GAB3: variants seen among roughly 807,000 people sequenced by gnomAD.
GAB3 encodes GRB2-associated-binding protein 3.
A neutral mutation model predicts 40.4 loss-of-function variants in GAB3; 12 were observed. That is an observed-to-expected ratio of 0.30 (90% confidence interval 0.19 to 0.48). The LOEUF is 0.48. GAB3 is among the 20% of genes least tolerant of loss of function. The pLI is 0.99. For synonymous variants in GAB3, 154 were observed against 176.7 expected, an observed-to-expected ratio of 0.87 and a Z score of 1.02; for missense variants, 381 against 461.9, an observed-to-expected ratio of 0.82 and a Z score of 1.61.
intron 4 of GAB3, among the ~76,000 whole-genome samples, chrX:154,700,269 C>T (rs782023356): frequency 8.1e-5 from 9 of 111,635 alleles, no homozygotes; most frequent in African/African-American, 2.6e-4. Context: ...TAGGAGGAGA[C>T]ATAGCAAGTA....
intron 8 of GAB3, among the ~76,000 whole-genome samples, chrX:154,684,024 T>C (rs2070413082): frequency 8.9e-6 from 1 of 112,027 alleles, no homozygotes; most frequent in South Asian, 3.7e-4. Flanking sequence ...CATCAGTCGA[T>C]GATCATTTGA....
Position 154,679,138 on chromosome X carries a change from C to T in GAB3, c.1648-844G>A, listed in dbSNP as rs139850172. 2.9e-3 allele frequency: 969 copies of T among 336,545 alleles called. 5 individuals carry two copies. The highest frequency in any genetic ancestry group is 0.023 in the African/African-American group (865 of 37,472). 27.7% of individuals were successfully genotyped at this position (336,545 alleles called of 1,213,427 possible). The stretch of plus-strand genomic sequence containing the variant: ...TGCCACTGCACTCCAGCCTGAGTGA[C>T]AGAGTGAGATCTTGACTCAAGAAAA... On this transcript the variant is annotated intron_variant, in intron 9 of 9. Coordinates refer to ENST00000424127, the MANE Select transcript of GAB3 (RefSeq NM_001081573.3).
rs185182159 is a variant in GAB3, at chrX:154,709,194, T to C, written c.1069+3035A>G. On this transcript the variant is annotated intron_variant, in intron 4 of 9. Transcript: ENST00000424127. ...GTAAGACATGCTTCCTTCCTCTTTGTCTTCTTCCATGATTGTAAGTTTCCT... is the reference window on the plus strand; with the variant it reads ...GTAAGACATGCTTCCTTCCTCTTTGCCTTCTTCCATGATTGTAAGTTTCCT... Among the ~76,000 whole-genome samples the C allele has an allele frequency of 1.3e-4, 14 of 111,481 alleles. No individual in the cohort carries two copies. In the East Asian group the frequency reaches 2.8e-3, roughly 22 times the overall value.
chrX:154,690,390 T>C (rs1363565685), intron 8 of GAB3, among the ~76,000 whole-genome samples: 1 of 111,963 alleles, frequency 8.9e-6, no homozygotes, highest in Non-Finnish European at 1.9e-5. Context: ...CCAAAAGCAA[T>C]GGCAACCAAA....
chrX:154,699,199 G>T, intron 6 of GAB3, 95 bp downstream of exon 6: 1 of 734,412 alleles, frequency 1.4e-6, no homozygotes, highest in Non-Finnish European at 2.1e-6. Context: ...CTCTGGGGTG[G>T]TTTCTCTAGG....
At chrX:154,715,382 A>G in intron 2 of GAB3, among the ~76,000 whole-genome samples, 1 of 109,365 alleles carries the variant, frequency 9.1e-6, no homozygotes, top group Non-Finnish European at 1.9e-5. Context: ...GGAAAATTAC[A>G]TAGGATGAGT....
rs782388455 is a variant in GAB3, at chrX:154,716,143, T to C, written c.259A>G (p.Ile87Val). ...RKEFQNNFVF[I>V]VKTTSRTFYL... is the part of the protein sequence containing the mutation. ...AATGTACGGGAAGTAGTCTTGACAA[T>C]GAACACGAAATTATTCTGAAATTCC... Residue 87 changes from isoleucine to valine, a missense_variant, in exon 2 of 10, where the codon ATT (isoleucine) becomes GTT (valine). Physicochemically the swap from Ile to Val is conservative, Grantham distance 29. Around this residue, in one of 2 missense-constraint regions of GAB3, gnomAD observed 364 missense variants for 421.0 expected, o/e 0.86. Transcript: ENST00000424127. 1.2e-5 allele frequency: 15 copies of C among 1,212,115 alleles called. No individual in the cohort carries two copies. In the East Asian group the frequency reaches 2.7e-4, roughly 21 times the overall value.
intron 8 of GAB3, among the ~76,000 whole-genome samples, chrX:154,680,571 C>A (rs1557246624): frequency 1.8e-5 from 2 of 112,183 alleles, no homozygotes; most frequent in Non-Finnish European, 3.8e-5. Context: ...ATCAACTATA[C>A]TTATTAAAGT....
chrX:154,721,268 A>G (rs1353497754), intron 1 of GAB3, among the ~76,000 whole-genome samples: 1 of 112,534 alleles, frequency 8.9e-6, no homozygotes, highest in African/African-American at 3.2e-5. Context: ...TTCTTTTGCC[A>G]TAACAGAATA....
chrX:154,710,594 C>T (rs1360691235), intron 4 of GAB3, among the ~76,000 whole-genome samples: 8 of 111,530 alleles, frequency 7.2e-5, no homozygotes, highest in African/African-American at 2.6e-4. Flanking sequence ...TGGACAAAAA[C>T]GAACCTTGAC....
rs4431759 is a variant in GAB3, at chrX:154,676,196, T to C, written c.*1982A>G. ...GTGGGTCAATGGAGTGACATTTCAC[T>C]ACTGACATAATTTCAGCTATTCTTT... On this transcript the variant is annotated 3_prime_UTR_variant, in exon 10 of 10. Coordinates refer to ENST00000424127, the MANE Select transcript of GAB3 (RefSeq NM_001081573.3). 52,085 of 110,252 alleles carry C rather than the reference T, an allele frequency of 0.47. 10,894 individuals are homozygous for C. The highest frequency in any genetic ancestry group is 0.77 in the East Asian group (2,667 of 3,470). The allele number at this position is 110,252 out of a possible 1,213,427, so 9.1% of individuals were successfully genotyped here.
chrX:154,680,700 A>G (rs981614686), intron 8 of GAB3, among the ~76,000 whole-genome samples: 5 of 112,342 alleles, frequency 4.5e-5, no homozygotes, highest in Admixed American at 2.8e-4. Flanking sequence ...ATATCTTTGA[A>G]GCTGTTTCCC....
chrX:154,732,975 G>A (rs1204302300), intron 1 of GAB3, among the ~76,000 whole-genome samples: 6 of 111,909 alleles, frequency 5.4e-5, no homozygotes, highest in Admixed American at 3.8e-4. Flanking sequence ...TTATCCCCAG[G>A]TACTTGGAGA....
intron 4 of GAB3, among the ~76,000 whole-genome samples, chrX:154,709,570 C>T (rs371330925): frequency 5.5e-5 from 6 of 109,375 alleles, no homozygotes; most frequent in East Asian, 2.9e-4. Context: ...TGCCCGCCCC[C>T]GCCTCCCAAA....
chrX:154,737,034 C>A (rs782481272), intron 1 of GAB3, among the ~76,000 whole-genome samples: 109 of 111,989 alleles, frequency 9.7e-4, no homozygotes, highest in Non-Finnish European at 1.9e-3. Context: ...TCACTTTTAA[C>A]TACCATCTCA....
chrX:154,681,238 C>T (rs1323696707), intron 8 of GAB3, among the ~76,000 whole-genome samples: 1 of 111,855 alleles, frequency 8.9e-6, no homozygotes, highest in Non-Finnish European at 1.9e-5. Flanking sequence ...CTATTGCTTC[C>T]CATCCTGGCC....
chrX:154,700,654 TAA>T (rs1227644431), intron 4 of GAB3, among the ~76,000 whole-genome samples: 7 of 111,757 alleles, frequency 6.3e-5, no homozygotes, highest in African/African-American at 2.3e-4. Context: ...CTCAAAGAAC[TAA>T]GAGATAAGTC....
chrX:154,751,090 A>G, upstream of GAB3: 1 of 761,853 alleles, frequency 1.3e-6, no homozygotes, highest in Non-Finnish European at 1.6e-6. Flanking sequence ...AGTCGGGCCA[A>G]GGATGCCGGC....
At chrX:154,719,449 GACTA>G (rs1379285345) in intron 1 of GAB3, among the ~76,000 whole-genome samples, 3 of 112,275 alleles carry the variant, frequency 2.7e-5, no homozygotes, top group Non-Finnish European at 3.8e-5. Flanking sequence ...AAGAAGTGGT[GACTA>G]AGCTAAGGCT....
Sources: gnomAD v4.1 joint callset for allele counts (sites outside exome capture counted in the v4.1 genomes callset) on GRCh38, gnomAD v4.1.1 for gene constraint, gnomAD v4.1.1 regional missense constraint, MANE v1.5 for transcripts, NCBI Gene and HGNC (gene_info 2026-07-23, HGNC 2026-07-21) for gene names.